The following ZBTB46 variants were observed in gnomAD, a reference collection of about 807,000 sequenced individuals.
ZBTB46 encodes the protein zinc finger and BTB domain containing 46.
ZBTB46 carries 8 observed loss-of-function variants against 44.1 expected under a neutral mutation model. The observed-to-expected ratio is 0.18, with a 90% CI of 0.11 to 0.33. The LOEUF (loss-of-function observed/expected upper bound fraction) is 0.33, where lower values mean the gene tolerates loss of function less well. Among genes scored for constraint, ZBTB46 ranks in the 10% least tolerant of loss-of-function variants. The pLI, the probability that ZBTB46 is intolerant of heterozygous loss-of-function variation, is 1.00. For synonymous variants in ZBTB46, 409 were observed against 382.3 expected, an observed-to-expected ratio of 1.07 and a Z score of -0.81; for missense variants, 651 against 847.7, an observed-to-expected ratio of 0.77 and a Z score of 2.88.
Position 63,803,329 on chromosome 20 carries a change from C to G in ZBTB46, c.-33-12539G>C. ...CGTACAAATTAAATTTCATATACAT[C>G]ATATTACCATTGTTCGTGGTCGCAT... On this transcript the variant is annotated intron_variant, in intron 1 of 4. Coordinates refer to ENST00000245663, the MANE Select transcript of ZBTB46 (RefSeq NM_001369741.1). This position sits in a 1 kb window ranked among gnomAD's most constrained non-coding sequence, Gnocchi z 4.0. 2 of 985,428 alleles carry G rather than the reference C, an allele frequency of 2.0e-6. No homozygotes were observed. Among genetic ancestry groups the G allele is most frequent in the Non-Finnish European group, 2.4e-6 (2 of 829,906 alleles). The allele number at this position is 985,428 out of a possible 1,614,324, so 61.0% of individuals were successfully genotyped here.
At chr20:63,781,329 G>A (rs892354705) in intron 2 of ZBTB46, among the ~76,000 whole-genome samples, 4 of 152,224 alleles carry the variant, frequency 2.6e-5, no homozygotes, top group South Asian at 2.1e-4. Context: ...TGTGGAGCAG[G>A]TGCCCGATGC....
At chr20:63,793,008 C>T (rs577155691) in intron 1 of ZBTB46, among the ~76,000 whole-genome samples, 3 of 152,268 alleles carry the variant, frequency 2.0e-5, no homozygotes, top group South Asian at 2.1e-4. Context: ...TGCAGAAGAC[C>T]GGGCCCAGCC....
At chr20:63,764,647 T>C (rs2092303869) in intron 3 of ZBTB46, among the ~76,000 whole-genome samples, 1 of 151,094 alleles carries the variant, frequency 6.6e-6, no homozygotes, top group Non-Finnish European at 1.5e-5. Flanking sequence ...TTGTTGCCCA[T>C]GCTGGAGTGC....
In ZBTB46 at chr20:63,747,047, G is replaced by T. The variant is rs200784759; in HGVS notation, c.1653C>A (p.Asp551Glu). 6.2e-7 allele frequency: 1 copy of T among 1,608,304 alleles called. No homozygotes were observed. Among genetic ancestry groups the T allele is most frequent in the Non-Finnish European group, 8.5e-7 (1 of 1,179,500 alleles). The change falls in exon 5 of 5, where the codon GAC (aspartate) becomes GAA (glutamate). Residue 551 changes from aspartate (D) to glutamate (E), a missense_variant. Physicochemically the swap from Asp to Glu is conservative, Grantham distance 45. Transcript: ENST00000245663. ...CATCCTCAGGGGCCAGGCCCTCGTC[G>T]TCCTCGCCCAGCTCCTCCGCCTCCC... ...PRGEAEELGE[D>E]DEGLAPEDAL...
intron 1 of ZBTB46, among the ~76,000 whole-genome samples, chr20:63,819,665 G>C (rs954687304): frequency 1.3e-5 from 2 of 152,156 alleles, no homozygotes; most frequent in Non-Finnish European, 2.9e-5. Context: ...CGGCCTCCCT[G>C]AATGTTACTG....
rs376852443 is a variant in ZBTB46 at position 63,786,806 on chromosome 20, G to A, written c.937+3015C>T. Among the ~76,000 whole-genome samples, 8 of 152,084 alleles carry A rather than the reference G, an allele frequency of 5.3e-5. No homozygotes were observed. In the East Asian group the frequency reaches 9.6e-4, roughly 18 times the overall value. On this transcript the variant is annotated intron_variant, in intron 2 of 4. Transcript: ENST00000245663. The stretch of plus-strand genomic sequence containing the variant: ...ATTACAGGCGTGAGCCACCCCGCCC[G>A]GCCTCGGATAACTTTTGTATTAGAA...
intron 1 of ZBTB46, among the ~76,000 whole-genome samples, chr20:63,807,907 A>G (rs1184645905): frequency 6.6e-6 from 1 of 152,230 alleles, no homozygotes; most frequent in East Asian, 1.9e-4. Context: ...TGTGCGGCAC[A>G]GGCCCTTCCC....
chr20:63,812,278 G>A (rs1009103845), intron 1 of ZBTB46, among the ~76,000 whole-genome samples: 3 of 152,218 alleles, frequency 2.0e-5, no homozygotes, highest in African/African-American at 7.2e-5. Flanking sequence ...GGGAGGCTGA[G>A]GCGGGCAGAT....
intron 4 of ZBTB46, among the ~76,000 whole-genome samples, chr20:63,749,294 T>A (rs576483637): frequency 9.9e-5 from 15 of 152,282 alleles, no homozygotes; most frequent in African/African-American, 2.6e-4. Flanking sequence ...CTCAGACAAC[T>A]TGGTGCCAGA....
rs2092069664 is a variant in ZBTB46, at chr20:63,744,509, T to C, written c.*2421A>G. The C allele has an allele frequency of 6.6e-6, 1 of 151,418 alleles. No homozygotes were observed. Among genetic ancestry groups the C allele is most frequent in the African/African-American group, 2.4e-5 (1 of 41,040 alleles). 9.4% of individuals were successfully genotyped at this position (151,418 alleles called of 1,614,324 possible). On this transcript the variant is annotated 3_prime_UTR_variant, in exon 5 of 5. Coordinates refer to ENST00000245663, the MANE Select transcript of ZBTB46 (RefSeq NM_001369741.1). ...AAACAAAAATACAAAATGTGAAATG[T>C]AATCTACACATTTTTCCTCTTCATA...
At chr20:63,816,572 G>A (rs560924375) in intron 1 of ZBTB46, 2 of 152,440 alleles carry the variant, frequency 1.3e-5, no homozygotes, top group South Asian at 2.1e-4. Flanking sequence ...CAGTGGCCAC[G>A]AGAGGTAGCA....
At chr20:63,798,966 G>A (rs780039411) in intron 1 of ZBTB46, among the ~76,000 whole-genome samples, 2 of 152,088 alleles carry the variant, frequency 1.3e-5, no homozygotes, top group Admixed American at 6.6e-5. Flanking sequence ...AAAGGTGGCC[G>A]CAGCCATCTG....
At chr20:63,812,995 G>A (rs894533775) in intron 1 of ZBTB46, among the ~76,000 whole-genome samples, 1 of 152,144 alleles carries the variant, frequency 6.6e-6, no homozygotes, top group Non-Finnish European at 1.5e-5. Context: ...CTACTTGGAA[G>A]GCTGAGGCAG....
In ZBTB46 at chr20:63,767,656, G is replaced by A. The variant is rs6011099; in HGVS notation, c.1222+8022C>T. 9.0e-4 allele frequency among the ~76,000 whole-genome samples: 137 copies of A among 152,298 alleles called. No individual in the cohort carries two copies. The highest frequency in any genetic ancestry group is 3.1e-3 in the African/African-American group (127 of 41,576). Reference sequence around the variant, plus strand: ...TCCAGCGCACAGACCAGAGGCACCCGCAGTTCTGTCCCAAACCACTTCCAG... The same window carrying A: ...TCCAGCGCACAGACCAGAGGCACCCACAGTTCTGTCCCAAACCACTTCCAG... On this transcript the variant is annotated intron_variant, in intron 3 of 4. Transcript: ENST00000245663. This position sits in a 1 kb window ranked among gnomAD's most constrained non-coding sequence, Gnocchi z 5.0.
At position 63,746,785 on chromosome 20, in the gene ZBTB46, G is replaced by C; in HGVS notation, c.*145C>G. The C allele has an allele frequency of 7.6e-7, 1 of 1,312,694 alleles. No homozygotes were observed. 81.3% of individuals were successfully genotyped at this position (1,312,694 alleles called of 1,614,324 possible). On this transcript the variant is annotated 3_prime_UTR_variant, in exon 5 of 5. Transcript: ENST00000245663. Reference sequence around the variant, plus strand: ...CGCACCTGCTTAGCCCGCAGGGCTGGTTTCCGTGGGGGGTGGGTTCAGGGG... The same window carrying C: ...CGCACCTGCTTAGCCCGCAGGGCTGCTTTCCGTGGGGGGTGGGTTCAGGGG...
At chr20:63,831,438 C>T (rs1276831742), upstream of ZBTB46, among the ~76,000 whole-genome samples, 1 of 143,966 alleles carries the variant, frequency 6.9e-6, no homozygotes, top group Non-Finnish European at 1.5e-5. Context: ...CCGCCGGCCC[C>T]GCCCCTCGCT....
intron 3 of ZBTB46, among the ~76,000 whole-genome samples, chr20:63,768,611 G>T (rs1450809665): frequency 7.5e-6 from 1 of 133,884 alleles, no homozygotes; most frequent in Non-Finnish European, 1.6e-5. Flanking sequence ...TGTCTCAAAA[G>T]AAAAAAAAAA....
chr20:63,812,117 T>G (rs1388105152), intron 1 of ZBTB46, among the ~76,000 whole-genome samples: 1 of 152,158 alleles, frequency 6.6e-6, no homozygotes, highest in Non-Finnish European at 1.5e-5. Flanking sequence ...TTGCATCAAC[T>G]TTTCCTACAT....
At chr20:63,768,876 C>T (rs2145832413) in intron 3 of ZBTB46, among the ~76,000 whole-genome samples, 1 of 152,244 alleles carries the variant, frequency 6.6e-6, no homozygotes, top group Admixed American at 6.5e-5. Flanking sequence ...AGGGACCGGC[C>T]ACCACCACTG....
Sources: allele counts gnomAD v4.1 joint callset (sites outside exome capture counted in the v4.1 genomes callset), GRCh38; gene constraint gnomAD v4.1.1; non-coding constraint Gnocchi (gnomAD v3.1); transcripts MANE v1.5; gene names NCBI Gene and HGNC (gene_info 2026-07-23, HGNC 2026-07-21).